KDM4C: variants seen among roughly 807,000 people sequenced by gnomAD.
KDM4C encodes the protein lysine demethylase 4C.
In KDM4C, 81 loss-of-function variants were observed where a neutral mutation model predicts 129.3. The ratio of observed to expected loss-of-function variants is 0.63; its 90% CI spans 0.52 to 0.75. The LOEUF (loss-of-function observed/expected upper bound fraction) is 0.75, where lower values mean the gene tolerates loss of function less well. KDM4C is among the 30% of genes least tolerant of loss of function. The probability of loss-of-function intolerance (pLI) is 0.00; values close to 1 mark genes in which losing one functional copy is unlikely to be tolerated. For missense variants in KDM4C, 1,457 were observed against 1,304.0 expected, an observed-to-expected ratio of 1.12 and a Z score of -1.81; for synonymous variants, 573 against 456.1, an observed-to-expected ratio of 1.26 and a Z score of -3.26.
At chr9:6,726,478 C>G (rs1817131775) in intron 1 of KDM4C, 2 of 152,368 alleles carry the variant, frequency 1.3e-5, no homozygotes, top group African/African-American at 4.8e-5. Flanking sequence ...CAGCTCAAAG[C>G]TGTCTCCTCA....
chr9:6,817,116 G>A (rs1219046699), intron 4 of KDM4C, among the ~76,000 whole-genome samples: 1 of 151,708 alleles, frequency 6.6e-6, no homozygotes, highest in African/African-American at 2.4e-5. Context: ...AATAACACGA[G>A]GGTTGGGATT....
At chr9:7,034,031 G>A (rs892202721) in intron 15 of KDM4C, among the ~76,000 whole-genome samples, 2 of 151,624 alleles carry the variant, frequency 1.3e-5, no homozygotes, top group Non-Finnish European at 2.9e-5. Flanking sequence ...TGGTGGTGGT[G>A]GTGGGGCATC....
In KDM4C at chr9:7,013,812, G is replaced by T; in HGVS notation, c.1993G>T (p.Asp665Tyr). 3 of 1,613,908 alleles carry T rather than the reference G, an allele frequency of 1.9e-6. No individual in the cohort carries two copies. The highest frequency in any genetic ancestry group is 1.3e-5 in the African/African-American group (1 of 75,040). The stretch of plus-strand genomic sequence containing the variant: ...GCCAGATAGCAGCAATGAAGAAAAT[G>T]ATGCTAGATGGGAGACAAAATTAGA... ...HKPDSSNEENDARWETKLDEV... is the reference protein window; with the variant it reads ...HKPDSSNEENYARWETKLDEV... Residue 665 changes from aspartate (D) to tyrosine (Y), a missense_variant, in exon 14 of 22, where the codon GAT becomes TAT. Transcript: ENST00000381309.
intron 4 of KDM4C, among the ~76,000 whole-genome samples, chr9:6,818,055 G>A (rs1334468775): frequency 1.3e-5 from 2 of 152,072 alleles, no homozygotes; most frequent in Admixed American, 6.5e-5. Context: ...GTGAGCCACC[G>A]CACCCTGCCC....
intron 4 of KDM4C, among the ~76,000 whole-genome samples, chr9:6,844,632 C>T (rs1425887374): frequency 1.3e-5 from 2 of 152,208 alleles, no homozygotes; most frequent in Non-Finnish European, 2.9e-5. Flanking sequence ...CTGTGACTGT[C>T]TTAAGAGCTA....
intron 1 of KDM4C, among the ~76,000 whole-genome samples, chr9:6,787,384 C>A (rs1189377947): frequency 2.6e-5 from 4 of 152,206 alleles, no homozygotes; most frequent in Non-Finnish European, 5.9e-5. Flanking sequence ...AGGCACGCAC[C>A]ACCACACCTG....
chr9:6,725,713 T>G (rs1817101633), intron 1 of KDM4C, among the ~76,000 whole-genome samples: 1 of 70,378 alleles, frequency 1.4e-5, no homozygotes, highest in African/African-American at 7.5e-5. Context: ...TTTCTTTTCT[T>G]TTTTTTTTTT....
chr9:7,081,087 G>C (rs1834469792), intron 17 of KDM4C, among the ~76,000 whole-genome samples: 1 of 152,218 alleles, frequency 6.6e-6, no homozygotes, highest in Non-Finnish European at 1.5e-5. Context: ...AATATTTGTA[G>C]ATTCACATCA....
chr9:6,893,023 A>T, intron 7 of KDM4C, 72 bp from the exon 8 acceptor site: 1 of 1,174,380 alleles, frequency 8.5e-7, no homozygotes, highest in Non-Finnish European at 1.1e-6. Context: ...TTAATGGGAA[A>T]TATATTTTAA....
At chr9:7,037,283 G>A (rs891810758) in intron 15 of KDM4C, among the ~76,000 whole-genome samples, 1 of 152,144 alleles carries the variant, frequency 6.6e-6, no homozygotes, top group Non-Finnish European at 1.5e-5. Context: ...GGCTTTAGTG[G>A]CACTTATGGA....
At chr9:7,108,622 G>C (rs1837972028) in intron 18 of KDM4C, among the ~76,000 whole-genome samples, 1 of 152,142 alleles carries the variant, frequency 6.6e-6, no homozygotes, top group African/African-American at 2.4e-5. Context: ...TGAGGCATGG[G>C]CTTAGGACAG....
At chr9:6,941,345 G>A (rs1825901024) in intron 8 of KDM4C, among the ~76,000 whole-genome samples, 1 of 152,018 alleles carries the variant, frequency 6.6e-6, no homozygotes, top group African/African-American at 2.4e-5. Flanking sequence ...GAAAATGTCT[G>A]TTTACATTTG....
intron 19 of KDM4C, among the ~76,000 whole-genome samples, chr9:7,164,634 T>C (rs2130410088): frequency 6.6e-6 from 1 of 152,278 alleles, no homozygotes; most frequent in South Asian, 2.1e-4. Context: ...CTGTTTTCCC[T>C]TCTCTGCTTT....
At chr9:6,727,876 G>A (rs759846115) in intron 1 of KDM4C, among the ~76,000 whole-genome samples, 1 of 150,820 alleles carries the variant, frequency 6.6e-6, no homozygotes, top group African/African-American at 2.4e-5. Flanking sequence ...GCCTATGTAA[G>A]GAAAGTGCTA....
At chr9:7,036,448 A>G (rs536864986) in intron 15 of KDM4C, among the ~76,000 whole-genome samples, 1 of 152,278 alleles carries the variant, frequency 6.6e-6, no homozygotes, top group East Asian at 1.9e-4. Flanking sequence ...GTTTCTTGCC[A>G]CTTAATATGT....
intron 18 of KDM4C, among the ~76,000 whole-genome samples, chr9:7,122,749 C>T (rs10976049): frequency 0.19 from 29,224 of 151,584 alleles, 2,948 homozygotes; most frequent in East Asian, 0.29. Flanking sequence ...CTGGCCCTAC[C>T]ATTTTTTAAA....
chr9:7,136,245 G>C (rs1424617198), intron 19 of KDM4C, among the ~76,000 whole-genome samples: 3 of 152,150 alleles, frequency 2.0e-5, no homozygotes, highest in African/African-American at 4.8e-5. Context: ...ATGGACATTT[G>C]GATTATTTCC....
At chr9:6,996,628 G>A (rs141370305) in intron 12 of KDM4C, among the ~76,000 whole-genome samples, 5 of 152,280 alleles carry the variant, frequency 3.3e-5, no homozygotes, top group East Asian at 3.9e-4. Flanking sequence ...TACAGAGGAC[G>A]TCGTGAGCAT....
At position 6,814,760 on chromosome 9, in the gene KDM4C, A is replaced by C. The variant is rs1379406575; in HGVS notation, c.435+15A>C. ...TATATGATGAGGTACATTCATATTT[A>C]CAGTGAGTTTTGTAAAGATCATTGG... is the stretch of plus-strand genomic sequence containing the variant. On this transcript the variant is annotated intron_variant, in intron 4 of 21. Transcript: ENST00000381309. 1.4e-6 allele frequency: 2 copies of C among 1,465,126 alleles called. No individual in the cohort carries two copies. The highest frequency in any genetic ancestry group is 9.5e-7 in the Non-Finnish European group (1 of 1,049,688). The allele number at this position is 1,465,126 out of a possible 1,614,324, so 90.8% of individuals were successfully genotyped here.
Sources: gnomAD v4.1 joint callset for allele counts (sites outside exome capture counted in the v4.1 genomes callset) on GRCh38, gnomAD v4.1.1 for gene constraint, MANE v1.5 for transcripts, NCBI Gene and HGNC (gene_info 2026-07-23, HGNC 2026-07-21) for gene names.